AP3B1: variants seen among roughly 807,000 people sequenced by gnomAD.
AP3B1 encodes AP-3 complex subunit beta-1.
A neutral mutation model predicts 132.5 loss-of-function variants in AP3B1; 61 were observed. The ratio of observed to expected loss-of-function variants is 0.46; its 90% CI spans 0.37 to 0.57. AP3B1 has a LOEUF of 0.57. Ranked by LOEUF, AP3B1 falls within the 20% of genes least tolerant of loss-of-function variation. The probability of loss-of-function intolerance (pLI) is 0.00; values close to 1 mark genes in which losing one functional copy is unlikely to be tolerated. For synonymous variants in AP3B1, 388 were observed against 438.3 expected, an observed-to-expected ratio of 0.89 and a Z score of 1.43; for missense variants, 1,120 against 1,289.4, an observed-to-expected ratio of 0.87 and a Z score of 2.01.
At chr5:78,125,828 T>C (rs1352420074) in intron 17 of AP3B1, among the ~76,000 whole-genome samples, 4 of 152,094 alleles carry the variant, frequency 2.6e-5, no homozygotes, top group Non-Finnish European at 4.4e-5. Flanking sequence ...ACATAATATG[T>C]TATATTTAAG....
chr5:78,043,664 C>A, intron 22 of AP3B1: 2 of 455,488 alleles, frequency 4.4e-6, no homozygotes, highest in Non-Finnish European at 8.7e-6. Context: ...AGTGAAGGAA[C>A]CCCCAGCAGA....
chr5:78,127,976 A>T, intron 17 of AP3B1, 54 bp downstream of exon 17: 1 of 1,597,868 alleles, frequency 6.3e-7, no homozygotes, highest in Non-Finnish European at 8.6e-7. Flanking sequence ...AACAATAGCT[A>T]TCCTAGAGTC....
chr5:78,134,128 G>A (rs1280251807), intron 15 of AP3B1, among the ~76,000 whole-genome samples: 1 of 130,916 alleles, frequency 7.6e-6, no homozygotes, highest in Non-Finnish European at 1.5e-5. Context: ...TGCAGCCCGG[G>A]CGACACAGCA....
chr5:78,163,624 GTA>G (rs1185244042), intron 12 of AP3B1, among the ~76,000 whole-genome samples: 3 of 136,714 alleles, frequency 2.2e-5, no homozygotes, highest in African/African-American at 9.1e-5. Flanking sequence ...TGTATATATA[GTA>G]TATATATAGT....
intron 3 of AP3B1, among the ~76,000 whole-genome samples, chr5:78,237,098 G>C (rs1449978642): frequency 6.6e-6 from 1 of 152,130 alleles, no homozygotes; most frequent in Non-Finnish European, 1.5e-5. Context: ...CAACTGTTTT[G>C]ATTTTGGCTT....
intron 2 of AP3B1, among the ~76,000 whole-genome samples, chr5:78,261,516 A>AGCCTG (rs1343683396): frequency 6.6e-6 from 1 of 152,202 alleles, no homozygotes; most frequent in Admixed American, 6.5e-5. Flanking sequence ...CCCAGGCTGC[A>AGCCTG]GTGCAATGGC....
At chr5:78,060,120 G>A (rs370573526) in intron 22 of AP3B1, among the ~76,000 whole-genome samples, 1 of 152,168 alleles carries the variant, frequency 6.6e-6, no homozygotes, top group African/African-American at 2.4e-5. Context: ...ACTCTAAAAT[G>A]TGCTATTTTT....
intron 22 of AP3B1, among the ~76,000 whole-genome samples, chr5:78,080,453 CTT>C (rs536764034): frequency 2.3e-3 from 314 of 138,222 alleles, no homozygotes; most frequent in African/African-American, 7.5e-3. Flanking sequence ...TTCCAATTTT[CTT>C]TTTTTTTTTT....
At position 78,004,717 on chromosome 5, in the gene AP3B1, T is replaced by C. The variant is rs1746320151; in HGVS notation, c.3132-1662A>G. Reference sequence around the variant, plus strand: ...ATCAACAAAATATGTTAGAAAATCTTCCTAGGCATTTGCTTGTGCACTCTA... The same window carrying C: ...ATCAACAAAATATGTTAGAAAATCTCCCTAGGCATTTGCTTGTGCACTCTA... On this transcript the variant is annotated intron_variant, in intron 26 of 26. Transcript: ENST00000255194. Among the ~76,000 whole-genome samples the C allele has an allele frequency of 1.3e-5, 2 of 152,360 alleles. 1 individual carries two copies. Among genetic ancestry groups the C allele is most frequent in the South Asian group, 4.1e-4 (2 of 4,828 alleles).
intron 20 of AP3B1, among the ~76,000 whole-genome samples, chr5:78,105,694 T>G (rs952745620): frequency 6.6e-6 from 1 of 152,198 alleles, no homozygotes; most frequent in Non-Finnish European, 1.5e-5. Flanking sequence ...ATTTCTCAAT[T>G]AAATATATCT....
rs886060769 is a variant in AP3B1 at position 78,002,832 on chromosome 5, G to GA, written c.*69dup. 3.9e-6 allele frequency: 6 copies of GA among 1,556,298 alleles called. No individual in the cohort carries two copies. The highest frequency in any genetic ancestry group is 5.3e-6 in the Non-Finnish European group (6 of 1,127,430). ...AGATGGAAGGGCTATTATTATAAAT[G>GA]AAAGGCAGCAGTAGTGGATGCCAGG... On this transcript the variant is annotated 3_prime_UTR_variant, in exon 27 of 27. Transcript: ENST00000255194.
chr5:78,280,824 T>C (rs1223113902), intron 1 of AP3B1, among the ~76,000 whole-genome samples: 1 of 152,086 alleles, frequency 6.6e-6, no homozygotes, highest in Non-Finnish European at 1.5e-5. Flanking sequence ...GAAATCTCAA[T>C]AAAAAAATTA....
intron 8 of AP3B1, among the ~76,000 whole-genome samples, chr5:78,178,519 G>A (rs560926877): frequency 6.6e-6 from 1 of 152,152 alleles, no homozygotes; most frequent in Admixed American, 6.5e-5. Context: ...CTACTTGGGA[G>A]GTTGGGACAC....
chr5:78,211,878 T>C (rs570678289), intron 7 of AP3B1, among the ~76,000 whole-genome samples: 6 of 152,392 alleles, frequency 3.9e-5, no homozygotes, highest in African/African-American at 1.4e-4. Flanking sequence ...CCACCTTTTA[T>C]AATTAATATT....
chr5:78,107,485 C>T (rs1358502296), intron 20 of AP3B1, among the ~76,000 whole-genome samples: 1 of 151,848 alleles, frequency 6.6e-6, no homozygotes, highest in African/African-American at 2.4e-5. Context: ...CCACAGTTGG[C>T]AGAAAAGGAA....
chr5:78,173,548 A>G (rs962616033), intron 11 of AP3B1, among the ~76,000 whole-genome samples: 4 of 151,998 alleles, frequency 2.6e-5, no homozygotes, highest in African/African-American at 4.8e-5. Flanking sequence ...AGTCTATTTT[A>G]TCAGAGACTA....
chr5:78,020,933 T>A, intron 24 of AP3B1, 144 bp from the exon 25 acceptor site: 1 of 663,418 alleles, frequency 1.5e-6, no homozygotes, highest in South Asian at 1.8e-5. Context: ...TAAAAAGGTT[T>A]AAACATTTTC....
At chr5:78,081,300 A>ATTTTTTTTT (rs560113962) in intron 22 of AP3B1, among the ~76,000 whole-genome samples, 6 of 100,862 alleles carry the variant, frequency 5.9e-5, no homozygotes, top group Non-Finnish European at 1.2e-4. Flanking sequence ...GCATTACTTC[A>ATTTTTTTTT]TTTTTTTTTT....
chr5:78,283,144 G>A (rs145887264), intron 1 of AP3B1, among the ~76,000 whole-genome samples: 569 of 152,250 alleles, frequency 3.7e-3, no homozygotes, highest in African/African-American at 0.013. Flanking sequence ...TAGTCAATGA[G>A]TGTAGGTACA....
Sources: allele counts gnomAD v4.1 joint callset (sites outside exome capture counted in the v4.1 genomes callset), GRCh38; gene constraint gnomAD v4.1.1; transcripts MANE v1.5; gene names NCBI Gene and HGNC (gene_info 2026-07-23, HGNC 2026-07-21).